The following MRLN variants were observed in gnomAD, a reference collection of about 807,000 sequenced individuals.
MRLN encodes Linc-RNA activator of myogenesis.
At chr10:59,739,055 G>A (rs1037243659) in intron 1 of MRLN, 27 of 152,076 alleles carry the variant, frequency 1.8e-4, no homozygotes, top group Admixed American at 2.0e-4. Flanking sequence ...CCCAGGAGGC[G>A]GAGGTTGCGG....
chr10:59,748,095 T>TG lies in MRLN; in HGVS notation c.-125+5258_-125+5259insC, dbSNP rs557889952. 4.7e-3 allele frequency among the ~76,000 whole-genome samples: 713 copies of TG among 151,856 alleles called. 4 individuals are homozygous for TG. Among genetic ancestry groups the TG allele is most frequent in the Non-Finnish European group, 7.7e-3 (526 of 67,930 alleles). ...CTTATTAATGCTTTTTCTTTTGTTT[T>TG]TTTTTTTTTTGCTTATAATTAGGGA... On this transcript the variant is annotated intron_variant, in intron 1 of 2. Transcript: ENST00000414264.
At chr10:59,750,058 CTCTCTTTTT>C (rs1307759530) in intron 1 of MRLN, among the ~76,000 whole-genome samples, 2 of 131,422 alleles carry the variant, frequency 1.5e-5, no homozygotes, top group Admixed American at 8.4e-5. Flanking sequence ...CTCTCTCTCT[CTCTCTTTTT>C]TTTTTTTTTT....
intron 1 of MRLN, among the ~76,000 whole-genome samples, chr10:59,751,442 C>G (rs1329808572): frequency 6.6e-6 from 1 of 151,964 alleles, no homozygotes; most frequent in Non-Finnish European, 1.5e-5. Flanking sequence ...CGGTGGTTCA[C>G]TTGAGCCCAG....
At chr10:59,750,295 T>C (rs1228144062) in intron 1 of MRLN, among the ~76,000 whole-genome samples, 1 of 152,044 alleles carries the variant, frequency 6.6e-6, no homozygotes, top group Non-Finnish European at 1.5e-5. Flanking sequence ...GGTGTTGAAC[T>C]CCTGACCTCA....
At chr10:59,743,657 T>C (rs1379969005) in intron 1 of MRLN, among the ~76,000 whole-genome samples, 1 of 152,072 alleles carries the variant, frequency 6.6e-6, no homozygotes, top group Non-Finnish European at 1.5e-5. Flanking sequence ...AAATGAATCA[T>C]GGGTCGTTCC....
chr10:59,745,053 T>C (rs1186266947), intron 1 of MRLN, among the ~76,000 whole-genome samples: 1 of 151,738 alleles, frequency 6.6e-6, no homozygotes, highest in East Asian at 1.9e-4. Context: ...TCCACTATTG[T>C]CCTATGACCC....
chr10:59,750,246 T>A (rs1264997476), intron 1 of MRLN, among the ~76,000 whole-genome samples: 1 of 151,930 alleles, frequency 6.6e-6, no homozygotes, highest in African/African-American at 2.4e-5. Flanking sequence ...AATTTTTGTA[T>A]TTTTAGTAGA....
intron 1 of MRLN, among the ~76,000 whole-genome samples, chr10:59,752,337 G>C (rs1478470894): frequency 1.3e-5 from 2 of 152,210 alleles, no homozygotes; most frequent in African/African-American, 4.8e-5. Context: ...TTATAAATTT[G>C]TTAAAATAAC....
intron 1 of MRLN, among the ~76,000 whole-genome samples, chr10:59,744,492 G>A (rs1433939475): frequency 6.7e-6 from 1 of 149,480 alleles, no homozygotes; most frequent in African/African-American, 2.5e-5. Context: ...GGAGGTGGGG[G>A]GCAGCCCCCG....
intron 1 of MRLN, among the ~76,000 whole-genome samples, chr10:59,740,806 T>C (rs1165907621): frequency 1.3e-5 from 2 of 148,442 alleles, no homozygotes; most frequent in Non-Finnish European, 3.0e-5. Context: ...CTTTCTTTCT[T>C]TTTTTTTTGA....
chr10:59,750,196 C>T (rs1158207645), intron 1 of MRLN, among the ~76,000 whole-genome samples: 8 of 151,414 alleles, frequency 5.3e-5, no homozygotes, highest in South Asian at 2.1e-4. Context: ...CCTCAGCCCC[C>T]GAGTAGCTGG....
At chr10:59,747,846 A>G (rs1447760554) in intron 1 of MRLN, among the ~76,000 whole-genome samples, 1 of 152,232 alleles carries the variant, frequency 6.6e-6, no homozygotes, top group African/African-American at 2.4e-5. Context: ...CTTAAAGCAG[A>G]AGCTTTCTGG....
intron 1 of MRLN, among the ~76,000 whole-genome samples, chr10:59,748,083 T>C (rs975116576): frequency 2.7e-5 from 4 of 147,872 alleles, no homozygotes; most frequent in African/African-American, 7.4e-5. Context: ...ATTAATGCTT[T>C]TTCTTTTGTT....
At chr10:59,750,021 C>T (rs1469521898) in intron 1 of MRLN, among the ~76,000 whole-genome samples, 1 of 143,486 alleles carries the variant, frequency 7.0e-6, no homozygotes, top group Non-Finnish European at 1.5e-5. Flanking sequence ...CTGTGTTTCT[C>T]TTCTCTTCAA....
rs543266039 is a variant in MRLN, at chr10:59,750,160, C to T, written c.-125+3194G>A. ...CAATCTTGGCTCACTGCAACCTCCG[C>T]CTCCTGGGTTTAAGTAATTCTCCTG... On this transcript the variant is annotated intron_variant, in intron 1 of 2. Coordinates refer to ENST00000414264, the MANE Select transcript of MRLN (RefSeq NM_001304731.2). Among the ~76,000 whole-genome samples the T allele has an allele frequency of 1.8e-3, 271 of 149,602 alleles. 2 individuals are homozygous for T. The highest frequency in any genetic ancestry group is 3.2e-3 in the Non-Finnish European group (219 of 67,738).
At chr10:59,750,455 A>C (rs1306551817) in intron 1 of MRLN, among the ~76,000 whole-genome samples, 1 of 152,192 alleles carries the variant, frequency 6.6e-6, no homozygotes, top group Non-Finnish European at 1.5e-5. Flanking sequence ...TTTGAAGTAA[A>C]TGTTCTGGCC....
intron 1 of MRLN, among the ~76,000 whole-genome samples, chr10:59,750,407 T>C (rs980945016): frequency 6.6e-6 from 1 of 152,210 alleles, no homozygotes; most frequent in African/African-American, 2.4e-5. Flanking sequence ...CTGTTCAGTT[T>C]TGGCTTTCCC....
intron 1 of MRLN, among the ~76,000 whole-genome samples, chr10:59,741,545 GC>G (rs1414152890): frequency 6.6e-6 from 1 of 152,088 alleles, no homozygotes; most frequent in African/African-American, 2.4e-5. Context: ...ACCATGCCTA[GC>G]TAATTTTTTG....
intron 1 of MRLN, among the ~76,000 whole-genome samples, chr10:59,741,075 G>A (rs1473424683): frequency 2.0e-5 from 3 of 152,196 alleles, no homozygotes; most frequent in Admixed American, 2.0e-4. Flanking sequence ...TGAGATTACA[G>A]AGGTGAGCCA....
Sources: allele counts gnomAD v4.1 joint callset (sites outside exome capture counted in the v4.1 genomes callset), GRCh38; gene constraint gnomAD v4.1.1; transcripts MANE v1.5; gene names NCBI Gene and HGNC (gene_info 2026-07-23, HGNC 2026-07-21).